PAX7: variants seen among roughly 807,000 people sequenced by gnomAD.
The protein encoded by PAX7 is paired box 7, also known as paired box protein Pax-7.
PAX7 carries 18 observed loss-of-function variants against 50.7 expected under a neutral mutation model. The ratio of observed to expected loss-of-function variants is 0.36; its 90% CI spans 0.25 to 0.53. The LOEUF (loss-of-function observed/expected upper bound fraction) is 0.53, where lower values mean the gene tolerates loss of function less well. PAX7 is among the 20% of genes least tolerant of loss of function. The pLI, the probability that PAX7 is intolerant of heterozygous loss-of-function variation, is 0.93. For missense variants in PAX7, 644 were observed against 702.9 expected, an observed-to-expected ratio of 0.92 and a Z score of 0.95; for synonymous variants, 310 against 290.4, an observed-to-expected ratio of 1.07 and a Z score of -0.69.
intron 4 of PAX7, among the ~76,000 whole-genome samples, chr1:18,655,754 G>A (rs1557512511): frequency 6.7e-6 from 1 of 150,156 alleles, no homozygotes; most frequent in Non-Finnish European, 1.5e-5. Flanking sequence ...TAGAGCCACT[G>A]GGGAGACTTG....
At chr1:18,721,534 C>T (rs1407188253) in intron 7 of PAX7, among the ~76,000 whole-genome samples, 2 of 152,200 alleles carry the variant, frequency 1.3e-5, no homozygotes, top group Non-Finnish European at 2.9e-5. Flanking sequence ...CTTTAAGCCT[C>T]AGTTTCCCTG....
intron 4 of PAX7, among the ~76,000 whole-genome samples, chr1:18,671,849 C>T (rs1399944871): frequency 6.6e-6 from 1 of 151,546 alleles, no homozygotes; most frequent in African/African-American, 2.4e-5. Flanking sequence ...TGGTGGTGCC[C>T]ACCTGTAGTC....
intron 6 of PAX7, among the ~76,000 whole-genome samples, chr1:18,701,605 C>T (rs1260778530): frequency 2.6e-5 from 4 of 152,040 alleles, no homozygotes; most frequent in Admixed American, 2.6e-4. Context: ...TTTCTTGCCT[C>T]TCTCTGGAAA....
chr1:18,747,454 AC>A lies in PAX7; in HGVS notation c.*2528del, dbSNP rs1422406594. 4.5e-6 allele frequency: 1 copy of A among 222,376 alleles called. No homozygotes were observed. Among genetic ancestry groups the A allele is most frequent in the Non-Finnish European group, 9.0e-6 (1 of 111,340 alleles). The allele number at this position is 222,376 out of a possible 1,614,324, so 13.8% of individuals were successfully genotyped here. On this transcript the variant is annotated 3_prime_UTR_variant, in exon 9 of 9. Transcript: ENST00000420770. ...TTGACCCTGATAGGTTCTCTCTAAA[AC>A]CCGTATATTAACGCATCTGGCCAAC...
chr1:18,740,999 G>A (rs1407895750), intron 8 of PAX7, among the ~76,000 whole-genome samples: 1 of 152,212 alleles, frequency 6.6e-6, no homozygotes, highest in Non-Finnish European at 1.5e-5. Flanking sequence ...GAAGCAGGGA[G>A]GGAGATGAAG....
At chr1:18,691,978 T>C (rs1369450612) in intron 5 of PAX7, 25 bp downstream of exon 5, 1 of 1,600,430 alleles carries the variant, frequency 6.2e-7, no homozygotes, top group African/African-American at 1.3e-5. Context: ...GCGGTGTCGG[T>C]GCTGCAGATA....
intron 7 of PAX7, among the ~76,000 whole-genome samples, chr1:18,723,551 T>C (rs962725245): frequency 4.6e-5 from 7 of 152,232 alleles, no homozygotes; most frequent in African/African-American, 1.7e-4. Context: ...GGGTCAGAGC[T>C]AGCTCTTTGT....
At position 18,735,909 on chromosome 1, in the gene PAX7, T is replaced by C. The variant is rs2089707211; in HGVS notation, c.1402+31T>C. On this transcript the variant is annotated intron_variant, in intron 8 of 8. Coordinates refer to ENST00000420770, the MANE Select transcript of PAX7 (RefSeq NM_001135254.2). The surrounding 1 kb of genome is among the most constrained non-coding windows in gnomAD (Gnocchi z 4.0). ...TGCCTGGTGCCCTGGGCGTCCCCCG[T>C]CCCCATTCCTTCTCCCACCCCCAGG... 7 of 1,613,770 alleles carry C rather than the reference T, an allele frequency of 4.3e-6. No homozygotes were observed. The highest frequency in any genetic ancestry group is 5.9e-6 in the Non-Finnish European group (7 of 1,179,980).
rs1262272133 is a variant in PAX7, at chr1:18,632,118, C to A, written c.85+430C>A. Among the ~76,000 whole-genome samples, 1 of 152,144 alleles carries A rather than the reference C, an allele frequency of 6.6e-6. No homozygotes were observed. Among genetic ancestry groups the A allele is most frequent in the East Asian group, 1.9e-4 (1 of 5,198 alleles). The stretch of plus-strand genomic sequence containing the variant: ...CCACCCCCGGGATTGGTCTTCCAGT[C>A]CTTTATTTCGAACCACCTACCATGG... On this transcript the variant is annotated intron_variant, in intron 1 of 8. Coordinates refer to ENST00000420770, the MANE Select transcript of PAX7 (RefSeq NM_001135254.2). The surrounding 1 kb of genome is among the most constrained non-coding windows in gnomAD (Gnocchi z 6.3).
intron 7 of PAX7, among the ~76,000 whole-genome samples, chr1:18,732,977 TGA>T (rs2089665457): frequency 2.0e-5 from 3 of 151,656 alleles, no homozygotes; most frequent in Non-Finnish European, 4.4e-5. Flanking sequence ...ATCTGGAGCC[TGA>T]GTGTTTTTTC....
In PAX7 at chr1:18,636,430, C is replaced by T. The variant is rs1320211083; in HGVS notation, c.586+59C>T. 5 of 1,585,734 alleles carry T rather than the reference C, an allele frequency of 3.2e-6. No individual in the cohort carries two copies. Among genetic ancestry groups the T allele is most frequent in the South Asian group, 2.3e-5 (2 of 88,656 alleles). ...CCGGGTTTTCCCACGCTCCGGTGTG[C>T]GGGCCAGTGGTTCGCTCCCGCCGCC... On this transcript the variant is annotated intron_variant, in intron 4 of 8. Transcript: ENST00000420770. The surrounding 1 kb of genome is among the most constrained non-coding windows in gnomAD (Gnocchi z 5.1).
Position 18,691,868 on chromosome 1 carries a change from A to G in PAX7, c.701A>G (p.Lys234Arg), listed in dbSNP as rs1483738753. Reference protein sequence around the residue: ...FTAEQLEELEKAFERTHYPDI... With the variant: ...FTAEQLEELERAFERTHYPDI... ...GCCGAGCAGCTGGAGGAGCTGGAGA[A>G]GGCCTTTGAGAGGACCCACTACCCA... The change falls in exon 5 of 9, where the codon AAG becomes AGG. Residue 234 changes from lysine (K) to arginine (R), a missense_variant. Physicochemically the swap from Lys to Arg is conservative, Grantham distance 26. Transcript: ENST00000420770. 1 of 1,613,966 alleles carries G rather than the reference A, an allele frequency of 6.2e-7. No individual in the cohort carries two copies. The highest frequency in any genetic ancestry group is 1.7e-5 in the Admixed American group (1 of 60,012).
intron 4 of PAX7, among the ~76,000 whole-genome samples, chr1:18,681,691 A>AT (rs749939585): frequency 1.4e-5 from 2 of 138,112 alleles, no homozygotes; most frequent in East Asian, 2.1e-4. Flanking sequence ...AGGGCTTAGA[A>AT]TTTATTTTAT....
At chr1:18,714,687 T>G (rs1423045469) in intron 7 of PAX7, among the ~76,000 whole-genome samples, 1 of 152,212 alleles carries the variant, frequency 6.6e-6, no homozygotes, top group African/African-American at 2.4e-5. Context: ...CTATTCAGAA[T>G]CAGTGATTCT....
Position 18,631,136 on chromosome 1 carries a change from C to G in PAX7, c.-468C>G. ...CGAAATCCACTCCGCAGTCTCCGGG[C>G]TCGGAAACTTTGGCCCCGAGCGCCA... On this transcript the variant is annotated 5_prime_UTR_variant, in exon 1 of 9. Transcript: ENST00000420770. 4.3e-6 allele frequency: 1 copy of G among 234,756 alleles called. No individual in the cohort carries two copies. The highest frequency in any genetic ancestry group is 8.4e-6 in the Non-Finnish European group (1 of 119,272). 14.5% of individuals were successfully genotyped at this position (234,756 alleles called of 1,614,324 possible). A position where few individuals can be genotyped will look rare whatever the true frequency, so the allele number is the denominator to read the frequency against.
chr1:18,681,736 TTTTA>T (rs1557527134), intron 4 of PAX7, among the ~76,000 whole-genome samples: 6 of 71,272 alleles, frequency 8.4e-5, no homozygotes, highest in Admixed American at 4.8e-4. Context: ...TTTTATTTTA[TTTTA>T]TTTTATTTTA....
At position 18,631,489 on chromosome 1, in the gene PAX7, A is replaced by G; in HGVS notation, c.-115A>G. ...AGTGTGTGTGGAGGGGAGGGAGAAG[A>G]GGTTAAAAAAAAGAAGACGAAGAAG... On this transcript the variant is annotated 5_prime_UTR_variant, in exon 1 of 9. Coordinates refer to ENST00000420770, the MANE Select transcript of PAX7 (RefSeq NM_001135254.2). 1.2e-6 allele frequency: 1 copy of G among 842,882 alleles called. No individual in the cohort carries two copies. Among genetic ancestry groups the G allele is most frequent in the Non-Finnish European group, 2.0e-6 (1 of 511,246 alleles). 52.2% of individuals were successfully genotyped at this position (842,882 alleles called of 1,614,324 possible). A position where few individuals can be genotyped will look rare whatever the true frequency, so the allele number is the denominator to read the frequency against.
intron 7 of PAX7, among the ~76,000 whole-genome samples, chr1:18,711,642 G>A (rs1357985468): frequency 1.3e-5 from 2 of 152,152 alleles, no homozygotes; most frequent in African/African-American, 4.8e-5. Context: ...GGAAGGACGA[G>A]CTGATGGAGG....
chr1:18,672,099 G>A (rs1158939188), intron 4 of PAX7, among the ~76,000 whole-genome samples: 1 of 152,200 alleles, frequency 6.6e-6, no homozygotes, highest in Non-Finnish European at 1.5e-5. Flanking sequence ...AGGGCACTCT[G>A]TGAGTGTTTG....
Sources: allele counts gnomAD v4.1 joint callset (sites outside exome capture counted in the v4.1 genomes callset), GRCh38; gene constraint gnomAD v4.1.1; non-coding constraint Gnocchi (gnomAD v3.1); transcripts MANE v1.5; gene names NCBI Gene and HGNC (gene_info 2026-07-23, HGNC 2026-07-21).